Variants in CFDP1 observed in about 807,000 individuals in gnomAD.
The protein encoded by CFDP1 is chromatin remodeling protein CFDP1.
A neutral mutation model predicts 40.1 loss-of-function variants in CFDP1; 31 were observed. The ratio of observed to expected loss-of-function variants is 0.77; its 90% CI spans 0.58 to 1.04. CFDP1 has a LOEUF of 1.04. Among genes scored for constraint, CFDP1 ranks in the 50% least tolerant of loss-of-function variants. The pLI is 0.00. For missense variants in CFDP1, 423 were observed against 343.4 expected (o/e 1.23, Z -1.83); for synonymous variants, 167 against 120.0 (o/e 1.39, Z -2.56).
intron 5 of CFDP1, among the ~76,000 whole-genome samples, chr16:75,327,168 G>A (rs2151512910): frequency 6.6e-6 from 1 of 152,302 alleles, no homozygotes; most frequent in African/African-American, 2.4e-5. Context: ...TCGGGAGGCT[G>A]AGGCAGGAGA....
intron 1 of CFDP1, among the ~76,000 whole-genome samples, chr16:75,427,402 C>T (rs968615543): frequency 3.3e-5 from 5 of 152,132 alleles, no homozygotes; most frequent in Admixed American, 6.5e-5. Flanking sequence ...AGGCATGCAC[C>T]ACCATGCCCG....
At chr16:75,362,234 C>G (rs961103431) in intron 5 of CFDP1, among the ~76,000 whole-genome samples, 2 of 152,186 alleles carry the variant, frequency 1.3e-5, no homozygotes, top group East Asian at 3.8e-4. Flanking sequence ...AATCAAGTCT[C>G]CATACAGATC....
intron 5 of CFDP1, among the ~76,000 whole-genome samples, chr16:75,360,332 C>T (rs1411268893): frequency 2.0e-5 from 3 of 152,204 alleles, no homozygotes; most frequent in East Asian, 1.9e-4. Flanking sequence ...GAATACTTTT[C>T]AGACTGCCAG....
intron 5 of CFDP1, among the ~76,000 whole-genome samples, chr16:75,312,986 A>G (rs2078303762): frequency 6.6e-6 from 1 of 152,170 alleles, no homozygotes; most frequent in Non-Finnish European, 1.5e-5. Flanking sequence ...GGACAAGCTA[A>G]CTGACCTGCT....
In CFDP1 at chr16:75,302,480, A is replaced by T. The variant is rs1381311457; in HGVS notation, c.809+2544T>A. Among the ~76,000 whole-genome samples, 5 of 152,312 alleles carry T rather than the reference A, an allele frequency of 3.3e-5. No homozygotes were observed. In the East Asian group the frequency reaches 9.7e-4, roughly 29 times the overall value. On this transcript the variant is annotated intron_variant, in intron 6 of 6. Coordinates refer to ENST00000283882, the MANE Select transcript of CFDP1 (RefSeq NM_006324.3). Reference sequence around the variant, plus strand: ...TGCTATGTTGCCCAGGCTGGTCCTGAGCTCAAGCAGTCCTCCTGCCTTGGC... The same window carrying T: ...TGCTATGTTGCCCAGGCTGGTCCTGTGCTCAAGCAGTCCTCCTGCCTTGGC...
At chr16:75,318,408 C>T (rs112789990) in intron 5 of CFDP1, among the ~76,000 whole-genome samples, 24 of 138,508 alleles carry the variant, frequency 1.7e-4, no homozygotes, top group African/African-American at 4.5e-4. Context: ...TTCTTTCTTT[C>T]TTTTTTTTTT....
chr16:75,398,025 A>T (rs1370884078), intron 4 of CFDP1, among the ~76,000 whole-genome samples: 1 of 152,210 alleles, frequency 6.6e-6, no homozygotes, highest in Non-Finnish European at 1.5e-5. Flanking sequence ...TGCTGGTCCA[A>T]GATGGCAGAA....
intron 5 of CFDP1, among the ~76,000 whole-genome samples, chr16:75,374,706 T>C (rs1487129357): frequency 1.3e-5 from 2 of 152,042 alleles, no homozygotes; most frequent in African/African-American, 4.8e-5. Flanking sequence ...TTTAAAAACA[T>C]ATTTTAGCCC....
intron 5 of CFDP1, among the ~76,000 whole-genome samples, chr16:75,357,858 C>T (rs1007436458): frequency 3.9e-5 from 6 of 152,200 alleles, no homozygotes; most frequent in Admixed American, 3.9e-4. Context: ...CTGTTTGGTA[C>T]AAGAGGCCTA....
At chr16:75,363,768 C>A (rs955690036) in intron 5 of CFDP1, among the ~76,000 whole-genome samples, 1 of 152,120 alleles carries the variant, frequency 6.6e-6, no homozygotes, top group African/African-American at 2.4e-5. Context: ...CAGAACTGGT[C>A]AGCACTGACA....
At chr16:75,317,060 C>T (rs902643686) in intron 5 of CFDP1, among the ~76,000 whole-genome samples, 1 of 152,178 alleles carries the variant, frequency 6.6e-6, no homozygotes, top group Non-Finnish European at 1.5e-5. Flanking sequence ...AGGCAAAAGG[C>T]TATGGGATCT....
At chr16:75,372,125 T>C (rs894966352) in intron 5 of CFDP1, 1 of 152,182 alleles carries the variant, frequency 6.6e-6, no homozygotes, top group Admixed American at 6.5e-5. Context: ...ATACTCTACC[T>C]ATTTCTAAAA....
chr16:75,334,549 G>A (rs974049248), intron 5 of CFDP1, among the ~76,000 whole-genome samples: 2 of 151,678 alleles, frequency 1.3e-5, no homozygotes, highest in Admixed American at 6.6e-5. Flanking sequence ...GAGGGAGGAA[G>A]AGAGAAGGGT....
intron 5 of CFDP1, among the ~76,000 whole-genome samples, chr16:75,359,848 T>G (rs1280803407): frequency 6.6e-6 from 1 of 152,190 alleles, no homozygotes; most frequent in Non-Finnish European, 1.5e-5. Flanking sequence ...ATAAGTAACA[T>G]CTACAGTTTT....
chr16:75,421,458 GA>G (rs1487329908), intron 1 of CFDP1, among the ~76,000 whole-genome samples: 1 of 151,778 alleles, frequency 6.6e-6, no homozygotes, highest in African/African-American at 2.4e-5. Context: ...TACTATGAGG[GA>G]AAAAAAGATA....
intron 4 of CFDP1, among the ~76,000 whole-genome samples, chr16:75,397,740 A>C (rs929896099): frequency 6.6e-6 from 1 of 151,900 alleles, no homozygotes; most frequent in Non-Finnish European, 1.5e-5. Flanking sequence ...CAGAAGGTGG[A>C]GGCTGCAGTC....
At chr16:75,300,495 C>T (rs911132982) in intron 6 of CFDP1, among the ~76,000 whole-genome samples, 1 of 152,112 alleles carries the variant, frequency 6.6e-6, no homozygotes, top group African/African-American at 2.4e-5. Context: ...CCATGTGGGC[C>T]AGGCTGGTCT....
At chr16:75,352,212 G>A (rs556737052) in intron 5 of CFDP1, among the ~76,000 whole-genome samples, 3 of 151,626 alleles carry the variant, frequency 2.0e-5, no homozygotes, top group South Asian at 2.1e-4. Flanking sequence ...ATGGTGGTGC[G>A]TGCCTGTAGT....
intron 5 of CFDP1, chr16:75,305,385 ACT>A (rs1263421974): frequency 1.1e-5 from 6 of 564,898 alleles, no homozygotes; most frequent in African/African-American, 5.6e-5. Flanking sequence ...GCTTAACACC[ACT>A]GTCTGCTCTC....
Sources: gnomAD v4.1 joint callset for allele counts (sites outside exome capture counted in the v4.1 genomes callset) on GRCh38, gnomAD v4.1.1 for gene constraint, MANE v1.5 for transcripts, NCBI Gene and HGNC (gene_info 2026-07-23, HGNC 2026-07-21) for gene names.